The following PACRG variants were observed in gnomAD, a reference collection of about 807,000 sequenced individuals.
The protein encoded by PACRG is parkin coregulated gene protein.
In PACRG, 29 loss-of-function variants were observed where a neutral mutation model predicts 29.7. The ratio of observed to expected loss-of-function variants is 0.98; its 90% CI spans 0.73 to 1.33. The LOEUF (loss-of-function observed/expected upper bound fraction) is 1.33. PACRG is among the 40% of genes most tolerant of loss of function. The probability of loss-of-function intolerance (pLI) is 0.00; values close to 1 mark genes in which losing one functional copy is unlikely to be tolerated. For synonymous variants in PACRG, 116 were observed against 118.7 expected, an observed-to-expected ratio of 0.98 and a Z score of 0.15; for missense variants, 279 against 316.2, an observed-to-expected ratio of 0.88 and a Z score of 0.89.
At chr6:162,912,910 A>AAAAC (rs1419593707) in intron 2 of PACRG, among the ~76,000 whole-genome samples, 108 of 147,352 alleles carry the variant, frequency 7.3e-4, no homozygotes, top group Admixed American at 4.6e-3. Flanking sequence ...AGTAAAATCC[A>AAAAC]AAACAAACAA....
intron 2 of PACRG, among the ~76,000 whole-genome samples, chr6:163,030,474 C>T (rs1807557033): frequency 6.6e-6 from 1 of 152,174 alleles, no homozygotes; most frequent in Non-Finnish European, 1.5e-5. Context: ...AGCTACCGCT[C>T]ATCAGAGCTC....
chr6:162,943,170 C>T (rs1798751277), intron 2 of PACRG, among the ~76,000 whole-genome samples: 1 of 152,202 alleles, frequency 6.6e-6, no homozygotes, highest in Admixed American at 6.5e-5. Flanking sequence ...TGCTGGCTCC[C>T]ACACACACCC....
chr6:162,901,049 A>C (rs1795526120), intron 2 of PACRG, among the ~76,000 whole-genome samples: 1 of 152,266 alleles, frequency 6.6e-6, no homozygotes, highest in Admixed American at 6.5e-5. Flanking sequence ...TAATCAAATG[A>C]ATGAATATAT....
intron 1 of PACRG, among the ~76,000 whole-genome samples, chr6:162,797,369 G>A (rs1364751380): frequency 6.6e-6 from 1 of 152,144 alleles, no homozygotes; most frequent in Non-Finnish European, 1.5e-5. Context: ...ATATACCTTG[G>A]CAAACCTTTT....
chr6:163,286,738 T>C (rs1784413477), intron 4 of PACRG, among the ~76,000 whole-genome samples: 1 of 152,190 alleles, frequency 6.6e-6, no homozygotes, highest in Non-Finnish European at 1.5e-5. Flanking sequence ...CCAAAAGGCT[T>C]TTTTGAGGGA....
At chr6:163,184,007 C>A (rs559197411) in intron 4 of PACRG, among the ~76,000 whole-genome samples, 1 of 152,136 alleles carries the variant, frequency 6.6e-6, no homozygotes, top group African/African-American at 2.4e-5. Context: ...TGGAGCACAT[C>A]GAAAGGAATG....
At chr6:162,956,239 C>T (rs576265814) in intron 2 of PACRG, among the ~76,000 whole-genome samples, 9 of 152,256 alleles carry the variant, frequency 5.9e-5, no homozygotes, top group African/African-American at 2.2e-4. Context: ...ACCCCAGAGA[C>T]CAGCCACAGA....
chr6:163,184,615 TGTTCTAAGTG>T (rs1779830325), intron 4 of PACRG, among the ~76,000 whole-genome samples: 1 of 152,198 alleles, frequency 6.6e-6, no homozygotes, highest in Admixed American at 6.5e-5. Context: ...TGTCTCTAAT[TGTTCTAAGTG>T]GTACAGGTGC....
chr6:163,219,878 A>G (rs1261634478), intron 4 of PACRG, among the ~76,000 whole-genome samples: 3 of 152,144 alleles, frequency 2.0e-5, no homozygotes, highest in African/African-American at 7.2e-5. Flanking sequence ...GGTGCTCACC[A>G]TTGTTGAGGT....
chr6:163,129,820 T>C (rs889827625), intron 4 of PACRG, among the ~76,000 whole-genome samples: 1 of 151,972 alleles, frequency 6.6e-6, no homozygotes, highest in African/African-American at 2.4e-5. Flanking sequence ...AGGGTAACAG[T>C]AGTTTTGGCT....
At chr6:163,296,144 A>G (rs1784771794) in intron 4 of PACRG, among the ~76,000 whole-genome samples, 2 of 152,308 alleles carry the variant, frequency 1.3e-5, no homozygotes, top group Admixed American at 6.5e-5. Context: ...TCTTGCCAAA[A>G]GCTCTAATTT....
chr6:162,956,687 C>G (rs1023394924), intron 2 of PACRG, among the ~76,000 whole-genome samples: 2 of 152,184 alleles, frequency 1.3e-5, no homozygotes, highest in African/African-American at 4.8e-5. Flanking sequence ...GGCCTTCTCC[C>G]TGTGTCTCCT....
At chr6:163,245,851 A>G (rs1782675824) in intron 4 of PACRG, among the ~76,000 whole-genome samples, 1 of 152,158 alleles carries the variant, frequency 6.6e-6, no homozygotes, top group Non-Finnish European at 1.5e-5. Flanking sequence ...ACATGGGACC[A>G]CTATCTATGA....
At chr6:163,304,867 A>G (rs1785137573) in intron 4 of PACRG, among the ~76,000 whole-genome samples, 1 of 152,226 alleles carries the variant, frequency 6.6e-6, no homozygotes, top group African/African-American at 2.4e-5. Context: ...AATCGGATCC[A>G]TTATAGAACA....
chr6:162,799,599 G>T (rs1475400925), intron 1 of PACRG, among the ~76,000 whole-genome samples: 3 of 151,748 alleles, frequency 2.0e-5, no homozygotes, highest in African/African-American at 7.2e-5. Context: ...TATTTTAGAG[G>T]GAGCCAGTGC....
chr6:162,906,003 A>T (rs1022444874), intron 2 of PACRG, among the ~76,000 whole-genome samples: 1 of 152,154 alleles, frequency 6.6e-6, no homozygotes, highest in African/African-American at 2.4e-5. Flanking sequence ...TGGTTTTCCT[A>T]TCGAAGTTAG....
chr6:162,803,436 G>A (rs539197711), intron 1 of PACRG, among the ~76,000 whole-genome samples: 2 of 152,214 alleles, frequency 1.3e-5, no homozygotes, highest in African/African-American at 4.8e-5. Flanking sequence ...AAGTAGATGA[G>A]AGATATGATT....
At chr6:163,254,018 G>A (rs1783010234) in intron 4 of PACRG, among the ~76,000 whole-genome samples, 1 of 152,186 alleles carries the variant, frequency 6.6e-6, no homozygotes, top group Admixed American at 6.5e-5. Context: ...GAAAGGGACG[G>A]GTGTAGAGCA....
chr6:162,739,121 C>T (rs955038332), intron 1 of PACRG, among the ~76,000 whole-genome samples: 2 of 152,114 alleles, frequency 1.3e-5, no homozygotes, highest in African/African-American at 2.4e-5. Flanking sequence ...TGACCAACAG[C>T]TAATGAGAAT....
Sources: gnomAD v4.1 joint callset for allele counts (sites outside exome capture counted in the v4.1 genomes callset) on GRCh38, gnomAD v4.1.1 for gene constraint, MANE v1.5 for transcripts, NCBI Gene and HGNC (gene_info 2026-07-23, HGNC 2026-07-21) for gene names.